Variants in ST18 observed in about 807,000 individuals in gnomAD.
ST18 encodes suppression of tumorigenicity 18 protein.
Under a neutral mutation model 110.0 loss-of-function variants are expected in ST18, and 50 were observed. That is an observed-to-expected ratio of 0.45 (90% CI 0.36 to 0.58). The LOEUF (loss-of-function observed/expected upper bound fraction) is 0.58, where lower values mean the gene tolerates loss of function less well. ST18 is among the 20% of genes least tolerant of loss of function. The probability of loss-of-function intolerance (pLI) is 0.00; values close to 1 mark genes in which losing one functional copy is unlikely to be tolerated. For missense variants in ST18, 1,306 were observed against 1,280.1 expected (o/e 1.02, Z -0.31); for synonymous variants, 461 against 452.4 (o/e 1.02, Z -0.24).
intron 2 of ST18, chr8:52,407,109 G>T (rs1177748687): frequency 6.6e-6 from 1 of 152,212 alleles, no homozygotes; most frequent in Non-Finnish European, 1.5e-5. Context: ...CATAGACGAT[G>T]AAACTAGAGT....
At chr8:52,242,343 G>A (rs2093484790) in intron 2 of ST18, among the ~76,000 whole-genome samples, 2 of 152,184 alleles carry the variant, frequency 1.3e-5, no homozygotes, top group Non-Finnish European at 2.9e-5. Flanking sequence ...AGACTGTTGG[G>A]TGGCTGCACA....
intron 12 of ST18, 82 bp downstream of exon 12, chr8:52,165,042 TTTCATCACACA>T: frequency 8.1e-7 from 1 of 1,238,404 alleles, no homozygotes; most frequent in South Asian, 1.2e-5. Flanking sequence ...ATGCAGCAAT[TTTCATCACACA>T]TTGGTAACCC....
chr8:52,372,887 T>TG (rs1163832411), intron 2 of ST18, among the ~76,000 whole-genome samples: 2 of 152,240 alleles, frequency 1.3e-5, no homozygotes, highest in Non-Finnish European at 2.9e-5. Context: ...AGCTGGGTAA[T>TG]GGGTAGTATG....
intron 2 of ST18, among the ~76,000 whole-genome samples, chr8:52,336,978 C>A (rs1300501066): frequency 6.6e-6 from 1 of 152,196 alleles, no homozygotes; most frequent in Non-Finnish European, 1.5e-5. Flanking sequence ...GGAAAACCAT[C>A]TACCTTCATT....
intron 2 of ST18, among the ~76,000 whole-genome samples, chr8:52,249,622 C>T (rs1433452171): frequency 6.6e-6 from 1 of 151,696 alleles, no homozygotes; most frequent in Non-Finnish European, 1.5e-5. Flanking sequence ...TCAAGGTTGC[C>T]GAAGGTCTAT....
chr8:52,335,384 C>T (rs1340563549), intron 2 of ST18, among the ~76,000 whole-genome samples: 5 of 152,134 alleles, frequency 3.3e-5, no homozygotes, highest in African/African-American at 1.2e-4. Flanking sequence ...CCTCCCAAAC[C>T]CAAGGGAATA....
chr8:52,282,157 C>T (rs189584662), intron 2 of ST18, among the ~76,000 whole-genome samples: 85 of 152,156 alleles, frequency 5.6e-4, no homozygotes, highest in African/African-American at 1.9e-3. Flanking sequence ...AGGGGAGAGA[C>T]ACCCTTCAAT....
intron 23 of ST18, 27 bp from the exon 24 acceptor site, chr8:52,118,468 C>G: frequency 1.4e-6 from 2 of 1,392,146 alleles, no homozygotes; most frequent in Non-Finnish European, 2.0e-6. Context: ...TACCTTAGTT[C>G]AAACTGAAAA....
At chr8:52,135,315 C>A (rs1284841637) in intron 19 of ST18, among the ~76,000 whole-genome samples, 1 of 151,994 alleles carries the variant, frequency 6.6e-6, no homozygotes, top group Non-Finnish European at 1.5e-5. Context: ...AATCCCAGCA[C>A]TTTAGGAGGC....
chr8:52,293,243 G>A (rs2095582849), intron 2 of ST18, among the ~76,000 whole-genome samples: 1 of 152,200 alleles, frequency 6.6e-6, no homozygotes, highest in Non-Finnish European at 1.5e-5. Context: ...GGAGCATCAG[G>A]AGGAAGCACT....
intron 2 of ST18, among the ~76,000 whole-genome samples, chr8:52,246,176 G>A (rs2093828829): frequency 6.6e-6 from 1 of 151,888 alleles, no homozygotes; most frequent in Non-Finnish European, 1.5e-5. Flanking sequence ...GCAATTAACT[G>A]GGTTCAAGAT....
At position 52,221,085 on chromosome 8, in the gene ST18, CTCTATCTATCTATCTA is replaced by C. The variant is rs58429982; in HGVS notation, c.-264-253_-264-238del. Among the ~76,000 whole-genome samples, 363 of 148,446 alleles carry C rather than the reference CTCTATCTATCTATCTA, an allele frequency of 2.4e-3. 4 individuals carry two copies. Among genetic ancestry groups the C allele is most frequent in the African/African-American group, 5.9e-3 (236 of 40,176 alleles). ...TTGTCTTTATTACCAAACTACCTAT[CTCTATCTATCTATCTA>C]TCTATCTATCTATCTATCTATCTAT... is the stretch of plus-strand genomic sequence containing the variant. On this transcript the variant is annotated intron_variant, in intron 4 of 25. Transcript: ENST00000689386.
At chr8:52,137,875 G>A (rs767542058) in intron 17 of ST18, 3 of 174,154 alleles carry the variant, frequency 1.7e-5, no homozygotes, top group South Asian at 1.3e-4. Context: ...GCCAAGGCAG[G>A]TGGATCACCT....
At chr8:52,315,866 C>G (rs1247533848) in intron 2 of ST18, among the ~76,000 whole-genome samples, 1 of 152,130 alleles carries the variant, frequency 6.6e-6, no homozygotes, top group African/African-American at 2.4e-5. Flanking sequence ...TTAAAATACT[C>G]AAGTCAAACA....
At chr8:52,377,648 T>C (rs1409521695) in intron 2 of ST18, among the ~76,000 whole-genome samples, 1 of 152,208 alleles carries the variant, frequency 6.6e-6, no homozygotes, top group Non-Finnish European at 1.5e-5. Flanking sequence ...TATACACTGT[T>C]GGTGGGAATG....
At chr8:52,117,874 T>C (rs2043107221) in intron 24 of ST18, among the ~76,000 whole-genome samples, 1 of 152,190 alleles carries the variant, frequency 6.6e-6, no homozygotes, top group Non-Finnish European at 1.5e-5. Flanking sequence ...AATTGAGAAA[T>C]TGCTTGGGCT....
intron 2 of ST18, among the ~76,000 whole-genome samples, chr8:52,308,951 T>C (rs1174824114): frequency 6.6e-6 from 1 of 152,196 alleles, no homozygotes; most frequent in African/African-American, 2.4e-5. Flanking sequence ...CATATTCTCT[T>C]TCTATAAGTA....
chr8:52,295,508 AGAATTAT>A lies in ST18; in HGVS notation c.-464-65438_-464-65432del, dbSNP rs1330515038. Among the ~76,000 whole-genome samples, 3 of 152,258 alleles carry A rather than the reference AGAATTAT, an allele frequency of 2.0e-5. No homozygotes were observed. The East Asian group carries it at 5.8e-4, about 29-fold the overall frequency. On this transcript the variant is annotated intron_variant, in intron 2 of 25. Transcript: ENST00000689386. ...AAATGGATCATTTGTATACAGCCAC[AGAATTAT>A]GAAGCCTTTTGAAATATCAGTACAG... is the stretch of plus-strand genomic sequence containing the variant.
chr8:52,162,626 A>G (rs941040727), intron 13 of ST18, among the ~76,000 whole-genome samples: 3 of 152,192 alleles, frequency 2.0e-5, no homozygotes, highest in African/African-American at 7.2e-5. Flanking sequence ...TTTCAACATA[A>G]TTATCACAAT....
Sources: gnomAD v4.1 joint callset for allele counts (sites outside exome capture counted in the v4.1 genomes callset) on GRCh38, gnomAD v4.1.1 for gene constraint, MANE v1.5 for transcripts, NCBI Gene and HGNC (gene_info 2026-07-23, HGNC 2026-07-21) for gene names.